LRRK2: variants seen among roughly 807,000 people sequenced by gnomAD.
LRRK2 encodes the protein leucine rich repeat kinase 2.
In LRRK2, 203 loss-of-function variants were observed where a neutral mutation model predicts 302.6. The observed-to-expected ratio is 0.67, with a 90% CI of 0.60 to 0.75. LRRK2 has a LOEUF of 0.75. LRRK2 is among the 30% of genes least tolerant of loss of function. The pLI, the probability that LRRK2 is intolerant of heterozygous loss-of-function variation, is 0.00. For synonymous variants in LRRK2, 1,066 were observed against 1,031.9 expected (o/e 1.03, Z -0.63); for missense variants, 2,830 against 2,951.0 (o/e 0.96, Z 0.95).
At chr12:40,298,826 T>C (rs1944499402) in intron 24 of LRRK2, among the ~76,000 whole-genome samples, 1 of 116,122 alleles carries the variant, frequency 8.6e-6, no homozygotes, top group Non-Finnish European at 1.7e-5. Context: ...ATATAATACA[T>C]ATATTATATA....
At position 40,263,801 on chromosome 12, in the gene LRRK2, A is replaced by C; in HGVS notation, c.1556A>C (p.Glu519Ala). 1 of 1,611,760 alleles carries C rather than the reference A, an allele frequency of 6.2e-7. No individual in the cohort carries two copies. Among genetic ancestry groups the C allele is most frequent in the Non-Finnish European group, 8.5e-7 (1 of 1,178,150 alleles). ...TCTGTGCATTTAGGCATGCCAGAAGAATCCAGGGAGGATACAGAATTTCAT... is the reference window on the plus strand; with the variant it reads ...TCTGTGCATTTAGGCATGCCAGAAGCATCCAGGGAGGATACAGAATTTCAT... ...LHFIVPGMPE[E>A]SREDTEFHHK... is the part of the protein sequence containing the mutation. The change falls in exon 14 of 51, where the codon GAA becomes GCA. Residue 519 changes from glutamate (E) to alanine (A), a missense_variant. Glu to Ala is a moderately radical substitution (Grantham distance 107, BLOSUM62 -1). Coordinates refer to ENST00000298910, the MANE Select transcript of LRRK2 (RefSeq NM_198578.4).
At chr12:40,318,819 A>G (rs1266260584) in intron 33 of LRRK2, among the ~76,000 whole-genome samples, 1 of 152,110 alleles carries the variant, frequency 6.6e-6, no homozygotes, top group African/African-American at 2.4e-5. Context: ...TGTAAGAGCG[A>G]TCTGGAATTG....
Position 40,354,400 on chromosome 12 carries a change from C to A in LRRK2, c.6678C>A (p.Val2226=). The change falls in exon 45 of 51, where the codon GTC becomes GTA. Residue 2226 remains valine, a synonymous_variant. Coordinates refer to ENST00000298910, the MANE Select transcript of LRRK2 (RefSeq NM_198578.4). ...GGACACAGTCTGGTACTCTCCTGGT[C>A]ATCAATACCGAAGATGGGAAAAAGA... ...VSGTQSGTLL[V]INTEDGKKRH... 6.2e-7 allele frequency: 1 copy of A among 1,613,976 alleles called. No homozygotes were observed. Among genetic ancestry groups the A allele is most frequent in the South Asian group, 1.1e-5 (1 of 91,050 alleles).
At chr12:40,232,539 A>G in intron 3 of LRRK2, 156 bp downstream of exon 3, 1 of 643,206 alleles carries the variant, frequency 1.6e-6, no homozygotes, top group Non-Finnish European at 2.8e-6. Flanking sequence ...TTACATTTAT[A>G]GAGAGCTTTA....
chr12:40,360,850 TC>T (rs1253506836), intron 47 of LRRK2, among the ~76,000 whole-genome samples: 7 of 140,798 alleles, frequency 5.0e-5, no homozygotes, highest in Non-Finnish European at 1.1e-4. Context: ...TGTGGTCTTC[TC>T]CTTACCTGGA....
intron 14 of LRRK2, among the ~76,000 whole-genome samples, chr12:40,274,158 G>GA (rs1943350186): frequency 1.3e-5 from 2 of 152,176 alleles, no homozygotes; most frequent in South Asian, 4.1e-4. Context: ...TATTTGTTAA[G>GA]AGGCAGCATT....
intron 27 of LRRK2, among the ~76,000 whole-genome samples, chr12:40,305,470 AT>A (rs1367618742): frequency 6.6e-6 from 1 of 152,190 alleles, no homozygotes; most frequent in Non-Finnish European, 1.5e-5. Context: ...AACCAAATCC[AT>A]TTTGTGGTAA....
intron 47 of LRRK2, among the ~76,000 whole-genome samples, chr12:40,362,056 T>G (rs1946726328): frequency 6.6e-6 from 1 of 152,068 alleles, no homozygotes; most frequent in South Asian, 2.1e-4. Flanking sequence ...TTAAAAACAT[T>G]GAGATTTATC....
At position 40,298,496 on chromosome 12, in the gene LRRK2, A is replaced by G. The variant is rs1405438548; in HGVS notation, c.3347+3A>G. ...CTGGAGCAGCTCATTTTAGAAGGGTAAGAAAGAGCTCATTAAAAATAAAAG... is the reference window on the plus strand; with the variant it reads ...CTGGAGCAGCTCATTTTAGAAGGGTGAGAAAGAGCTCATTAAAAATAAAAG... On this transcript the variant is annotated splice_donor_region_variant and intron_variant, in intron 24 of 50. Coordinates refer to ENST00000298910, the MANE Select transcript of LRRK2 (RefSeq NM_198578.4). The G allele has an allele frequency of 6.2e-7, 1 of 1,613,846 alleles. No homozygotes were observed. The highest frequency in any genetic ancestry group is 8.5e-7 in the Non-Finnish European group (1 of 1,179,914).
intron 33 of LRRK2, among the ~76,000 whole-genome samples, chr12:40,317,883 T>C (rs1818152844): frequency 6.6e-6 from 1 of 152,118 alleles, no homozygotes; most frequent in South Asian, 2.1e-4. Context: ...TTCTCGTTCT[T>C]CTGTGGCTTG....
Position 40,240,474 on chromosome 12 carries a change from A to G in LRRK2, c.572-9A>G. The G allele has an allele frequency of 6.2e-7, 1 of 1,611,372 alleles. No individual in the cohort carries two copies. The highest frequency in any genetic ancestry group is 8.5e-7 in the Non-Finnish European group (1 of 1,178,210). On this transcript the variant is annotated splice_polypyrimidine_tract_variant and intron_variant, in intron 5 of 50. Coordinates refer to ENST00000298910, the MANE Select transcript of LRRK2 (RefSeq NM_198578.4). ...AAGCTTATTCAGTATTTTGTCTTTC[A>G]TTTTTAAGTCTCAGAGGAGCAACTG...
intron 44 of LRRK2, among the ~76,000 whole-genome samples, chr12:40,353,608 G>T (rs533205850): frequency 6.6e-6 from 1 of 152,162 alleles, no homozygotes; most frequent in East Asian, 1.9e-4. Context: ...CTGCAATCTC[G>T]GCACTTTGGG....
rs202039763 is a variant in LRRK2, at chr12:40,278,002, C to T, written c.2056C>T (p.Gln686Ter). 1.9e-6 allele frequency: 3 copies of T among 1,613,684 alleles called. No homozygotes were observed. Among genetic ancestry groups the T allele is most frequent in the Non-Finnish European group, 2.5e-6 (3 of 1,179,942 alleles). Residue 686 changes from glutamine (Q) to a stop codon, truncating the protein, a stop_gained, in exon 17 of 51, where the codon CAA (glutamine) becomes TAA (stop). Coordinates refer to ENST00000298910, the MANE Select transcript of LRRK2 (RefSeq NM_198578.4). LOFTEE classifies it high-confidence loss of function. The stretch of plus-strand genomic sequence containing the variant: ...TCAAATGTCTTCCAATATCATGGAA[C>T]AAAAGGATCAACAGGTACAGTGTTT... ...FHQMSSNIME[Q>*]KDQQFLNLCC...
chr12:40,276,188 C>T (rs886160960), intron 16 of LRRK2, among the ~76,000 whole-genome samples: 1 of 152,152 alleles, frequency 6.6e-6, no homozygotes, highest in African/African-American at 2.4e-5. Flanking sequence ...CGGTATGGAA[C>T]TCTCAGTTAC....
In LRRK2 at chr12:40,340,341, A is replaced by G. The variant is rs1382047836; in HGVS notation, c.5996A>G (p.Asn1999Ser). The change falls in exon 41 of 51, where the codon AAT becomes AGT. Residue 1999 changes from asparagine to serine, a missense_variant. Physicochemically the swap from Asn to Ser is conservative, Grantham distance 46. This residue lies in a region of LRRK2 where 253 missense variants were observed against 346.7 expected (regional missense o/e 0.73). Coordinates refer to ENST00000298910, the MANE Select transcript of LRRK2 (RefSeq NM_198578.4). ...MIIYRDLKPHNVLLFTLYPNA... is the reference protein window; with the variant it reads ...MIIYRDLKPHSVLLFTLYPNA... ...ATATACCGAGACCTGAAACCCCACA[A>G]TGTGCTGCTTTTCACACTGTATCCC... 14 of 1,613,704 alleles carry G rather than the reference A, an allele frequency of 8.7e-6. No homozygotes were observed. The highest frequency in any genetic ancestry group is 2.5e-6 in the Non-Finnish European group (3 of 1,179,792).
At chr12:40,257,137 C>T in intron 11 of LRRK2, 111 bp from the exon 12 acceptor site, 1 of 756,506 alleles carries the variant, frequency 1.3e-6, no homozygotes, top group Non-Finnish European at 2.2e-6. Context: ...ATTATGTGTG[C>T]TCTTGTATAT....
chr12:40,240,337 G>A (rs1189642315), intron 5 of LRRK2, 146 bp from the exon 6 acceptor site: 2 of 753,070 alleles, frequency 2.7e-6, no homozygotes, highest in East Asian at 2.7e-5. Context: ...TTCTTAGGAA[G>A]GGCTGCTTCA....
intron 33 of LRRK2, among the ~76,000 whole-genome samples, chr12:40,315,633 G>T (rs1945192316): frequency 6.6e-6 from 1 of 151,928 alleles, no homozygotes; most frequent in South Asian, 2.1e-4. Context: ...AATCCTTGGG[G>T]TAAACACATA....
intron 39 of LRRK2, among the ~76,000 whole-genome samples, chr12:40,330,237 C>A (rs914526912): frequency 5.3e-5 from 8 of 152,162 alleles, no homozygotes; most frequent in African/African-American, 1.9e-4. Context: ...TCAGTCCTTA[C>A]ATGTTAAAAA....
Sources: allele counts gnomAD v4.1 joint callset (sites outside exome capture counted in the v4.1 genomes callset), GRCh38; gene constraint gnomAD v4.1.1; regional missense constraint gnomAD v4.1.1; transcripts MANE v1.5; gene names NCBI Gene and HGNC (gene_info 2026-07-23, HGNC 2026-07-21).